Variants in RAPGEF5 observed in about 807,000 individuals in gnomAD.
RAPGEF5 encodes M-Ras-regulated GEF.
In RAPGEF5, 65 loss-of-function variants were observed where a neutral mutation model predicts 125.2. That is an observed-to-expected ratio of 0.52 (90% CI 0.43 to 0.64). The LOEUF (loss-of-function observed/expected upper bound fraction) is 0.64, where lower values mean the gene tolerates loss of function less well. Ranked by LOEUF, RAPGEF5 falls within the 30% of genes least tolerant of loss-of-function variation. The probability of loss-of-function intolerance (pLI) is 0.00; values close to 1 mark genes in which losing one functional copy is unlikely to be tolerated. For synonymous variants in RAPGEF5, 391 were observed against 385.9 expected (o/e 1.01, Z -0.16); for missense variants, 958 against 1,048.1 (o/e 0.91, Z 1.19).
At chr7:22,288,365 G>A (rs1053118139) in intron 6 of RAPGEF5, among the ~76,000 whole-genome samples, 1 of 151,946 alleles carries the variant, frequency 6.6e-6, no homozygotes, top group East Asian at 1.9e-4. Flanking sequence ...CTCCTCAAAT[G>A]CAACATATCC....
chr7:22,176,810 C>T (rs751842224), intron 11 of RAPGEF5, among the ~76,000 whole-genome samples: 15 of 152,294 alleles, frequency 9.8e-5, no homozygotes, highest in Middle Eastern at 3.4e-3. Context: ...GGATTACAGG[C>T]GTGAGCCACT....
chr7:22,290,738 C>A lies in RAPGEF5; in HGVS notation c.747+437G>T, dbSNP rs1341208706. On this transcript the variant is annotated intron_variant, in intron 6 of 25. Transcript: ENST00000665637. Reference sequence around the variant, plus strand: ...CCAGCCTGGGCGACAGAGCGAGACTCCGTCTCAAAAAAAAAAAAAAAAAAA... The same window carrying A: ...CCAGCCTGGGCGACAGAGCGAGACTACGTCTCAAAAAAAAAAAAAAAAAAA... Among the ~76,000 whole-genome samples, 3 of 134,762 alleles carry A rather than the reference C, an allele frequency of 2.2e-5. No homozygotes were observed. In the East Asian group the frequency reaches 6.1e-4, roughly 28 times the overall value. 88.4% of individuals were successfully genotyped at this position (134,762 alleles called of 152,430 possible).
intron 18 of RAPGEF5, among the ~76,000 whole-genome samples, chr7:22,148,295 T>C (rs1280340099): frequency 6.6e-6 from 1 of 152,224 alleles, no homozygotes; most frequent in Admixed American, 6.5e-5. Context: ...ACTTGGCTCT[T>C]TGTCCCCATT....
At chr7:22,264,193 C>A (rs1469336546) in intron 7 of RAPGEF5, among the ~76,000 whole-genome samples, 1 of 152,110 alleles carries the variant, frequency 6.6e-6, no homozygotes, top group Non-Finnish European at 1.5e-5. Flanking sequence ...TTACATGCAT[C>A]TCTGATTATG....
At chr7:22,313,680 A>T (rs1783524717) in intron 3 of RAPGEF5, among the ~76,000 whole-genome samples, 1 of 152,236 alleles carries the variant, frequency 6.6e-6, no homozygotes, top group East Asian at 1.9e-4. Flanking sequence ...AGGAGGAAAA[A>T]ATGAGAATAA....
At chr7:22,160,707 A>G (rs527242549) in intron 13 of RAPGEF5, 92 bp from the exon 14 acceptor site, 1 of 1,311,122 alleles carries the variant, frequency 7.6e-7, no homozygotes, top group Non-Finnish European at 9.8e-7. Context: ...CACAGGAAAT[A>G]AGGAGGGATT....
chr7:22,125,557 C>G (rs368156522), intron 25 of RAPGEF5, 47 bp downstream of exon 25: 17 of 1,539,166 alleles, frequency 1.1e-5, no homozygotes, highest in Admixed American at 8.4e-5. Context: ...ACAGTTGGTA[C>G]CAACGTAGAG....
chr7:22,352,032 A>C (rs1227035180), intron 1 of RAPGEF5, among the ~76,000 whole-genome samples: 1 of 152,226 alleles, frequency 6.6e-6, no homozygotes, highest in Non-Finnish European at 1.5e-5. Context: ...AAAGAGAATT[A>C]GGCCCTTCTG....
chr7:22,134,486 T>TGTAA (rs58315051), intron 23 of RAPGEF5, among the ~76,000 whole-genome samples: 84,509 of 151,654 alleles, frequency 0.56, 23,896 homozygotes, highest in African/African-American at 0.67. Flanking sequence ...CGAGCTAAAA[T>TGTAA]GTGTGAGACA....
intron 7 of RAPGEF5, among the ~76,000 whole-genome samples, chr7:22,250,269 C>G (rs1424871423): frequency 6.6e-6 from 1 of 152,078 alleles, no homozygotes; most frequent in Non-Finnish European, 1.5e-5. Context: ...CTGAAAAATG[C>G]AAATAGCTAG....
At chr7:22,219,748 A>G (rs1272501976) in intron 9 of RAPGEF5, 118 bp downstream of exon 9, 12 of 1,367,676 alleles carry the variant, frequency 8.8e-6, no homozygotes, top group Admixed American at 2.6e-5. Flanking sequence ...CTTGGGGGGA[A>G]AAAAACCCCC....
At chr7:22,144,923 A>G (rs914158294) in intron 20 of RAPGEF5, 121 bp downstream of exon 20, 1 of 1,160,118 alleles carries the variant, frequency 8.6e-7, no homozygotes, top group African/African-American at 1.6e-5. Flanking sequence ...CCATTTAGTC[A>G]TTTAACTCCA....
intron 17 of RAPGEF5, among the ~76,000 whole-genome samples, chr7:22,152,036 T>C (rs1783645661): frequency 1.3e-5 from 2 of 152,224 alleles, no homozygotes; most frequent in South Asian, 4.1e-4. Flanking sequence ...TTTATTTCAC[T>C]GTGACACAAT....
At chr7:22,307,406 A>G (rs1783367171) in intron 5 of RAPGEF5, among the ~76,000 whole-genome samples, 1 of 152,148 alleles carries the variant, frequency 6.6e-6, no homozygotes, top group African/African-American at 2.4e-5. Flanking sequence ...ATATGGAACT[A>G]TAACCGGGTA....
chr7:22,207,792 G>A (rs1196651900), intron 9 of RAPGEF5, among the ~76,000 whole-genome samples: 1 of 152,140 alleles, frequency 6.6e-6, no homozygotes, highest in African/African-American at 2.4e-5. Flanking sequence ...AAATGGGGAA[G>A]GGAATGAATT....
intron 5 of RAPGEF5, among the ~76,000 whole-genome samples, chr7:22,300,935 T>A (rs964985887): frequency 6.6e-5 from 10 of 152,194 alleles, no homozygotes; most frequent in African/African-American, 2.4e-4. Context: ...GTTTCTACTA[T>A]AGATTTTGAC....
At position 22,149,648 on chromosome 7, in the gene RAPGEF5, C is replaced by T. The variant is rs117338476; in HGVS notation, c.1884+759G>A. The stretch of plus-strand genomic sequence containing the variant: ...TCTTCAGTGGCAGCTGACGTCCCAT[C>T]ACCATGACCCCGTTCTACACAGAGA... On this transcript the variant is annotated intron_variant, in intron 18 of 25. Transcript: ENST00000665637. Among the ~76,000 whole-genome samples, 1,277 of 152,002 alleles carry T rather than the reference C, an allele frequency of 8.4e-3. 8 individuals carry two copies. The highest frequency in any genetic ancestry group is 0.014 in the Non-Finnish European group (983 of 67,954).
intron 5 of RAPGEF5, among the ~76,000 whole-genome samples, chr7:22,299,216 G>A (rs1317219612): frequency 6.6e-6 from 1 of 151,550 alleles, no homozygotes; most frequent in Admixed American, 6.6e-5. Flanking sequence ...AAAATCTATC[G>A]ATATTCCTCT....
At chr7:22,321,868 A>G (rs962036677) in intron 1 of RAPGEF5, among the ~76,000 whole-genome samples, 10 of 152,206 alleles carry the variant, frequency 6.6e-5, no homozygotes, top group Admixed American at 2.0e-4. Flanking sequence ...TGCCCAGTGG[A>G]TTTTTAACAC....
Sources: gnomAD v4.1 joint callset for allele counts (sites outside exome capture counted in the v4.1 genomes callset) on GRCh38, gnomAD v4.1.1 for gene constraint, MANE v1.5 for transcripts, NCBI Gene and HGNC (gene_info 2026-07-23, HGNC 2026-07-21) for gene names.